The following CEP76 variants were observed in gnomAD, a reference collection of about 807,000 sequenced individuals.
The protein encoded by CEP76 is centrosomal protein of 76 kDa.
In CEP76, 55 loss-of-function variants were observed where a neutral mutation model predicts 83.3. The observed-to-expected ratio is 0.66, with a 90% CI of 0.53 to 0.83. The LOEUF (loss-of-function observed/expected upper bound fraction) is 0.83. Ranked by LOEUF, CEP76 falls within the 40% of genes least tolerant of loss-of-function variation. CEP76 has a pLI of 0.00. For synonymous variants in CEP76, 270 were observed against 274.5 expected (o/e 0.98, Z 0.16); for missense variants, 694 against 799.5 (o/e 0.87, Z 1.59).
intron 12 of CEP76, among the ~76,000 whole-genome samples, chr18:12,666,697 C>T (rs1375204392): frequency 6.6e-6 from 1 of 151,764 alleles, no homozygotes; most frequent in Non-Finnish European, 1.5e-5. Context: ...GATCTACCTG[C>T]CTTGGCCTCC....
Position 12,699,863 on chromosome 18 carries a change from T to C in CEP76, c.262A>G (p.Ile88Val), listed in dbSNP as rs1400429023. 3.1e-6 allele frequency: 5 copies of C among 1,594,316 alleles called. No individual in the cohort carries two copies. The highest frequency in any genetic ancestry group is 2.3e-5 in the East Asian group (1 of 44,284). The change falls in exon 3 of 12, where the codon ATT becomes GTT. Residue 88 changes from isoleucine (I) to valine (V), a missense_variant. By Grantham distance (29) the Ile-to-Val change is conservative. Transcript: ENST00000262127. ...QELPSSPKQP[I>V]CFDRQSTLKK... ...AATGTCGATTGTCTATCAAAACAAA[T>C]AGGTTGTTTTGGAGAGGAAGGGAGT...
intron 7 of CEP76, 25 bp downstream of exon 7, chr18:12,691,334 A>G (rs965588212): frequency 1.3e-6 from 2 of 1,486,648 alleles, no homozygotes; most frequent in Non-Finnish European, 1.8e-6. Flanking sequence ...ACAGGCATAA[A>G]ATTATTCTAA....
intron 2 of CEP76, 62 bp from the exon 3 acceptor site, chr18:12,699,967 T>C: frequency 8.9e-7 from 1 of 1,119,600 alleles, no homozygotes; most frequent in Non-Finnish European, 1.3e-6. Flanking sequence ...TAAGGAAATG[T>C]CAATAAACAT....
chr18:12,673,271 G>A lies in CEP76; in HGVS notation c.*94C>T, dbSNP rs2038993725. 4 of 1,478,798 alleles carry A rather than the reference G, an allele frequency of 2.7e-6. No homozygotes were observed. The highest frequency in any genetic ancestry group is 5.3e-5 in the Admixed American group (2 of 37,648). 91.6% of individuals were successfully genotyped at this position (1,478,798 alleles called of 1,614,324 possible). On this transcript the variant is annotated 3_prime_UTR_variant, in exon 12 of 12. Coordinates refer to ENST00000262127, the MANE Select transcript of CEP76 (RefSeq NM_024899.4). ...AAGTATGCCATTCAAGCCAGATTGT[G>A]ATTTTAAAATAACAAACCTCTAAAT...
intron 7 of CEP76, 36 bp downstream of exon 7, chr18:12,691,323 T>A (rs2039754715): frequency 7.2e-7 from 1 of 1,388,572 alleles, no homozygotes; most frequent in African/African-American, 1.5e-5. Flanking sequence ...AAATCTCAAA[T>A]ACAGGCATAA....
At chr18:12,691,769 G>A (rs2039772592) in intron 6 of CEP76, among the ~76,000 whole-genome samples, 1 of 150,362 alleles carries the variant, frequency 6.7e-6, no homozygotes, top group South Asian at 2.1e-4. Context: ...AGGCTGGAGT[G>A]CAGTGGCAAG....
Position 12,680,809 on chromosome 18 carries a change from G to C in CEP76, c.1142C>G (p.Ala381Gly). The C allele has an allele frequency of 6.2e-7, 1 of 1,610,534 alleles. No homozygotes were observed. Among genetic ancestry groups the C allele is most frequent in the Non-Finnish European group, 8.5e-7 (1 of 1,178,916 alleles). The change falls in exon 9 of 12, where the codon GCT becomes GGT. Residue 381 changes from alanine (A) to glycine (G), a missense_variant. Coordinates refer to ENST00000262127, the MANE Select transcript of CEP76 (RefSeq NM_024899.4). ...AAGAAGAAGGCTGCACAGAAGGTTA[G>C]CGTGATCTTCACAGTCACCCTGGAA... ...CRNKGDCEDH[A>G]NLLCSLLLGY...
intron 10 of CEP76, 31 bp from the exon 11 acceptor site, chr18:12,674,784 G>A (rs2039062473): frequency 2.8e-6 from 4 of 1,410,788 alleles, no homozygotes; most frequent in Non-Finnish European, 3.9e-6. Context: ...AAGAAAAAGT[G>A]AAATACATTA....
chr18:12,684,033 A>T (rs1405612636), intron 8 of CEP76, among the ~76,000 whole-genome samples: 1 of 149,170 alleles, frequency 6.7e-6, no homozygotes, highest in Non-Finnish European at 1.5e-5. Flanking sequence ...ATATATATGT[A>T]TTTTTTTTTG....
chr18:12,700,015 CTTTCAAAGAACCCCTTAT>C, intron 2 of CEP76, 110 bp from the exon 3 acceptor site: 1 of 533,518 alleles, frequency 1.9e-6, no homozygotes, highest in Non-Finnish European at 3.2e-6. Context: ...GGGTAAGGCC[CTTTCAAAGAACCCCTTAT>C]TTTCCTAGCC....
downstream of CEP76, among the ~76,000 whole-genome samples, chr18:12,671,637 AC>A (rs2038945846): frequency 2.5e-5 from 3 of 121,904 alleles, no homozygotes; most frequent in Non-Finnish European, 5.1e-5. Context: ...CAGGTTTCAC[AC>A]TTTCTTTTTT....
chr18:12,689,005 T>C (rs2039650100), intron 7 of CEP76, among the ~76,000 whole-genome samples: 1 of 152,052 alleles, frequency 6.6e-6, no homozygotes, highest in Non-Finnish European at 1.5e-5. Flanking sequence ...TCCCAGCTAC[T>C]TGGGAGGCTG....
chr18:12,689,134 T>G (rs2039654887), intron 7 of CEP76, among the ~76,000 whole-genome samples: 1 of 151,608 alleles, frequency 6.6e-6, no homozygotes, highest in Non-Finnish European at 1.5e-5. Context: ...AAAAAGTTCT[T>G]TACTTTACTT....
At chr18:12,672,562 A>AGAAG, downstream of CEP76, 1 of 704,074 alleles carries the variant, frequency 1.4e-6, no homozygotes, top group Non-Finnish European at 1.7e-6. Flanking sequence ...AATGAAAGAA[A>AGAAG]AAAGGGTTTC....
At chr18:12,684,033 AT>A (rs933944923) in intron 8 of CEP76, among the ~76,000 whole-genome samples, 14 of 149,220 alleles carry the variant, frequency 9.4e-5, no homozygotes, top group African/African-American at 2.7e-4. Context: ...ATATATATGT[AT>A]TTTTTTTTGA....
intron 12 of CEP76, among the ~76,000 whole-genome samples, chr18:12,666,153 CAAAA>C (rs35334528): frequency 7.7e-5 from 9 of 116,888 alleles, no homozygotes; most frequent in Non-Finnish European, 7.1e-5. Flanking sequence ...CTCATCTCTA[CAAAA>C]AAAAAAAAAA....
intron 12 of CEP76, among the ~76,000 whole-genome samples, chr18:12,663,274 G>T (rs2038735990): frequency 6.6e-6 from 1 of 152,072 alleles, no homozygotes; most frequent in South Asian, 2.1e-4. Flanking sequence ...AACAAAATAA[G>T]GCCCAAAAAT....
chr18:12,695,851 T>C, intron 5 of CEP76, among the ~76,000 whole-genome samples: 1 of 110,680 alleles, frequency 9.0e-6, no homozygotes. Context: ...TCATTCCTTC[T>C]CCACACACAC....
At chr18:12,679,326 A>G (rs576009698) in intron 9 of CEP76, 4 of 152,280 alleles carry the variant, frequency 2.6e-5, no homozygotes, top group African/African-American at 7.2e-5. Flanking sequence ...AGTTCGAGCA[A>G]TTTGCAGTGG....
Sources: allele counts gnomAD v4.1 joint callset (sites outside exome capture counted in the v4.1 genomes callset), GRCh38; gene constraint gnomAD v4.1.1; transcripts MANE v1.5; gene names NCBI Gene and HGNC (gene_info 2026-07-23, HGNC 2026-07-21).